Variants in DCUN1D4 observed in about 807,000 individuals in gnomAD.
The protein encoded by DCUN1D4 is defective in cullin neddylation 1 domain containing 4.
In DCUN1D4, 22 loss-of-function variants were observed where a neutral mutation model predicts 47.9. That is an observed-to-expected ratio of 0.46 (90% CI 0.33 to 0.66). DCUN1D4 has a LOEUF of 0.66. DCUN1D4 is among the 30% of genes least tolerant of loss of function. The pLI, the probability that DCUN1D4 is intolerant of heterozygous loss-of-function variation, is 0.02. For synonymous variants in DCUN1D4, 121 were observed against 112.2 expected (o/e 1.08, Z -0.50); for missense variants, 301 against 340.8 (o/e 0.88, Z 0.92).
chr4:51,866,962 A>C (rs577034590), intron 3 of DCUN1D4, among the ~76,000 whole-genome samples: 1 of 152,064 alleles, frequency 6.6e-6, no homozygotes, highest in Non-Finnish European at 1.5e-5. Context: ...CTCAGTTCTC[A>C]CTACTGGCCT....
intron 9 of DCUN1D4, 126 bp downstream of exon 9, chr4:51,911,300 A>G (rs991019493): frequency 1.4e-5 from 11 of 808,822 alleles, no homozygotes; most frequent in Non-Finnish European, 2.0e-5. Flanking sequence ...TTACGGTGAC[A>G]TAATTGCTGT....
intron 7 of DCUN1D4, among the ~76,000 whole-genome samples, chr4:51,894,905 T>G (rs1194226285): frequency 6.6e-6 from 1 of 152,174 alleles, no homozygotes; most frequent in Non-Finnish European, 1.5e-5. Context: ...ATTTTATTTC[T>G]CTGGAGGCCC....
intron 1 of DCUN1D4, chr4:51,843,516 C>T (rs1469886359): frequency 7.0e-6 from 9 of 1,285,402 alleles, no homozygotes; most frequent in African/African-American, 4.8e-5. Flanking sequence ...GGGACTGGCT[C>T]TCTTTCAGTG....
chr4:51,904,037 A>AT lies in DCUN1D4; in HGVS notation c.615+4670dup, dbSNP rs201219583. ...GCCCAGCTTCTTTGCATTGCTTGTA[A>AT]TTTTTTTTTTTAATTGGAGCTGGAT... On this transcript the variant is annotated intron_variant, in intron 8 of 10. Transcript: ENST00000334635. Among the ~76,000 whole-genome samples, 372 of 145,486 alleles carry AT rather than the reference A, an allele frequency of 2.6e-3. 4 individuals carry two copies. The East Asian group carries it at 0.026, about 10-fold the overall frequency.
intron 4 of DCUN1D4, chr4:51,875,040 A>G (rs1466409172): frequency 3.9e-5 from 6 of 152,102 alleles, no homozygotes; most frequent in African/African-American, 7.2e-5. Flanking sequence ...ACCTTTCTCC[A>G]TCTTTCCCCA....
At chr4:51,860,951 A>G (rs1275740740) in intron 1 of DCUN1D4, among the ~76,000 whole-genome samples, 2 of 152,200 alleles carry the variant, frequency 1.3e-5, no homozygotes, top group Non-Finnish European at 2.9e-5. Flanking sequence ...GAACCTAGGA[A>G]AAGTTAGAGA....
At chr4:51,847,815 C>T (rs1421465642) in intron 1 of DCUN1D4, among the ~76,000 whole-genome samples, 3 of 152,186 alleles carry the variant, frequency 2.0e-5, no homozygotes, top group South Asian at 2.1e-4. Flanking sequence ...CTCTAGCAGA[C>T]TCTCCTTTCA....
intron 1 of DCUN1D4, 191 bp downstream of exon 1, chr4:51,843,458 G>A: frequency 3.3e-6 from 4 of 1,218,474 alleles, no homozygotes; most frequent in Non-Finnish European, 4.2e-6. Flanking sequence ...GGGGGCGGGC[G>A]TGGGGGGAAG....
rs1734288872 is a variant in DCUN1D4, at chr4:51,916,007, A to G, written c.*2423A>G. On this transcript the variant is annotated 3_prime_UTR_variant, in exon 11 of 11. Coordinates refer to ENST00000334635, the MANE Select transcript of DCUN1D4 (RefSeq NM_001040402.3). ...TTCTAAGGGGAGAAAAAGGGGTCAG[A>G]CAGAGTAATATGATACATTTTCTTA... The G allele has an allele frequency of 6.6e-6, 1 of 151,422 alleles. No homozygotes were observed. The highest frequency in any genetic ancestry group is 6.6e-5 in the Admixed American group (1 of 15,232). 9.4% of individuals were successfully genotyped at this position (151,422 alleles called of 1,614,324 possible).
intron 8 of DCUN1D4, among the ~76,000 whole-genome samples, chr4:51,910,160 A>G (rs748091556): frequency 2.5e-4 from 38 of 152,308 alleles, no homozygotes; most frequent in Admixed American, 5.9e-4. Flanking sequence ...AAGATAACAC[A>G]TGGAGGCTAG....
At chr4:51,869,183 A>AT (rs1726478227) in intron 3 of DCUN1D4, among the ~76,000 whole-genome samples, 1 of 151,778 alleles carries the variant, frequency 6.6e-6, no homozygotes, top group African/African-American at 2.4e-5. Flanking sequence ...AAAATAAAAA[A>AT]AAATGAGTAG....
intron 5 of DCUN1D4, among the ~76,000 whole-genome samples, chr4:51,885,824 G>A (rs1489926853): frequency 1.3e-5 from 2 of 152,140 alleles, no homozygotes; most frequent in Admixed American, 1.3e-4. Context: ...GAGAGAGGGT[G>A]CTTCAAGAAG....
At chr4:51,900,216 C>G (rs558596851) in intron 8 of DCUN1D4, among the ~76,000 whole-genome samples, 1 of 151,632 alleles carries the variant, frequency 6.6e-6, no homozygotes, top group East Asian at 1.9e-4. Flanking sequence ...TCACTTTTTA[C>G]TCTCTTTGGC....
At chr4:51,858,104 A>G (rs1272920889) in intron 1 of DCUN1D4, among the ~76,000 whole-genome samples, 1 of 152,220 alleles carries the variant, frequency 6.6e-6, no homozygotes, top group Non-Finnish European at 1.5e-5. Context: ...TGGCAAGGTT[A>G]TGTAAGGAGG....
upstream of DCUN1D4, among the ~76,000 whole-genome samples, chr4:51,841,513 CTA>C (rs1239485432): frequency 6.6e-6 from 1 of 152,058 alleles, no homozygotes; most frequent in East Asian, 1.9e-4. Context: ...TAAGGATGTT[CTA>C]TGAGAGATTC....
At chr4:51,878,695 C>T (rs949868367) in intron 5 of DCUN1D4, among the ~76,000 whole-genome samples, 9 of 152,214 alleles carry the variant, frequency 5.9e-5, no homozygotes, top group Non-Finnish European at 8.8e-5. Context: ...GAGTGAACTC[C>T]CCGTGCCTTT....
At chr4:51,834,987 T>G in the DCUN1D4 span, among the ~76,000 whole-genome samples, 8 of 152,184 alleles carry the variant, frequency 5.3e-5, no homozygotes, top group Non-Finnish European at 1.2e-4. Flanking sequence ...GAAACTGTGT[T>G]TCATGTTGCC....
chr4:51,882,678 G>A (rs1251078649), intron 5 of DCUN1D4, among the ~76,000 whole-genome samples: 1 of 152,034 alleles, frequency 6.6e-6, no homozygotes, highest in Non-Finnish European at 1.5e-5. Context: ...GAGGCAGGAG[G>A]ATGTCATGAA....
chr4:51,910,496 A>C (rs1733560093), intron 8 of DCUN1D4, among the ~76,000 whole-genome samples: 1 of 152,186 alleles, frequency 6.6e-6, no homozygotes, highest in Non-Finnish European at 1.5e-5. Flanking sequence ...CTTCCACCAG[A>C]GTGGGTAGAT....
Sources: allele counts gnomAD v4.1 joint callset (sites outside exome capture counted in the v4.1 genomes callset), GRCh38; gene constraint gnomAD v4.1.1; transcripts MANE v1.5; gene names NCBI Gene and HGNC (gene_info 2026-07-23, HGNC 2026-07-21).